SERPINI1: variants seen among roughly 807,000 people sequenced by gnomAD.
SERPINI1 encodes the protein neuroserpin.
A neutral mutation model predicts 41.1 loss-of-function variants in SERPINI1; 19 were observed. The ratio of observed to expected loss-of-function variants is 0.46; its 90% CI spans 0.32 to 0.68. The LOEUF is 0.68. Among genes scored for constraint, SERPINI1 ranks in the 30% least tolerant of loss-of-function variants. SERPINI1 has a pLI of 0.03. For missense variants in SERPINI1, 460 were observed against 479.2 expected, an observed-to-expected ratio of 0.96 and a Z score of 0.37; for synonymous variants, 138 against 156.6, an observed-to-expected ratio of 0.88 and a Z score of 0.89.
chr3:167,754,739 G>A (rs551616114), intron 1 of SERPINI1, among the ~76,000 whole-genome samples: 21 of 152,290 alleles, frequency 1.4e-4, no homozygotes, highest in African/African-American at 4.6e-4. Flanking sequence ...CCACACTATA[G>A]GATTTCCAGA....
chr3:167,764,278 A>T (rs1288311693), intron 1 of SERPINI1, among the ~76,000 whole-genome samples: 1 of 152,104 alleles, frequency 6.6e-6, no homozygotes, highest in Non-Finnish European at 1.5e-5. Context: ...ATCAATTCAT[A>T]CCCAAATTTA....
Position 167,744,806 on chromosome 3 carries a change from TATAA to T in SERPINI1, c.-19+8987_-19+8990del, listed in dbSNP as rs1462060931. On this transcript the variant is annotated intron_variant, in intron 1 of 8. Transcript: ENST00000446050. ...ACTATGGTTATATATATATATAATA[TATAA>T]ATATAGTTATATATATAATATATAT... Among the ~76,000 whole-genome samples, 15 of 126,638 alleles carry T rather than the reference TATAA, an allele frequency of 1.2e-4. No homozygotes were observed. The East Asian group carries it at 1.7e-3, about 15-fold the overall frequency. 83.1% of individuals were successfully genotyped at this position (126,638 alleles called of 152,430 possible). A position where few individuals can be genotyped will look rare whatever the true frequency, so the allele number is the denominator to read the frequency against.
intron 6 of SERPINI1, among the ~76,000 whole-genome samples, chr3:167,815,331 CTTCA>C (rs1031269430): frequency 5.3e-5 from 8 of 151,928 alleles, no homozygotes; most frequent in Admixed American, 3.9e-4. Context: ...GAAAAAAAGG[CTTCA>C]TTTTCTTTTT....
intron 1 of SERPINI1, among the ~76,000 whole-genome samples, chr3:167,783,610 G>A (rs781529591): frequency 1.1e-4 from 17 of 152,166 alleles, no homozygotes; most frequent in Non-Finnish European, 2.1e-4. Flanking sequence ...GACTAGATCT[G>A]TGGAGAATAT....
chr3:167,739,350 C>T (rs1416215675), intron 1 of SERPINI1, among the ~76,000 whole-genome samples: 1 of 152,068 alleles, frequency 6.6e-6, no homozygotes, highest in Admixed American at 6.6e-5. Context: ...AGACAGTTTG[C>T]GCTTTGATAG....
intron 6 of SERPINI1, among the ~76,000 whole-genome samples, chr3:167,819,220 T>A (rs940434462): frequency 6.6e-6 from 1 of 152,210 alleles, no homozygotes; most frequent in Admixed American, 6.5e-5. Context: ...CACTATATTG[T>A]CTAAGCTGGT....
intron 1 of SERPINI1, among the ~76,000 whole-genome samples, chr3:167,783,103 G>A (rs1727193451): frequency 6.6e-6 from 1 of 152,206 alleles, no homozygotes; most frequent in Non-Finnish European, 1.5e-5. Flanking sequence ...TGGAGGCTCA[G>A]CATATGTTGG....
chr3:167,821,729 G>A (rs1374239756), intron 6 of SERPINI1, among the ~76,000 whole-genome samples: 2 of 152,120 alleles, frequency 1.3e-5, no homozygotes, highest in African/African-American at 2.4e-5. Flanking sequence ...CTGATGAAGC[G>A]ACACCCCAAG....
intron 1 of SERPINI1, among the ~76,000 whole-genome samples, chr3:167,784,334 A>C (rs1187813590): frequency 1.3e-5 from 2 of 152,186 alleles, no homozygotes. Flanking sequence ...ACTCTTGCAA[A>C]TAATGTGAGT....
rs115686744 is a variant in SERPINI1, at chr3:167,814,679, G to A, written c.979+7338G>A. ...AGCCTTTGGTGCCCTGCACAATACCGCATATGTAGTGGGTACTGAAGAAAT... is the reference window on the plus strand; with the variant it reads ...AGCCTTTGGTGCCCTGCACAATACCACATATGTAGTGGGTACTGAAGAAAT... On this transcript the variant is annotated intron_variant, in intron 6 of 8. Transcript: ENST00000446050. 6.0e-3 allele frequency among the ~76,000 whole-genome samples: 915 copies of A among 152,266 alleles called. 9 individuals carry two copies. The highest frequency in any genetic ancestry group is 0.021 in the African/African-American group (852 of 41,538).
chr3:167,784,503 G>A (rs1727240470), intron 1 of SERPINI1, among the ~76,000 whole-genome samples: 1 of 152,104 alleles, frequency 6.6e-6, no homozygotes, highest in Non-Finnish European at 1.5e-5. Flanking sequence ...ACCCGAGACT[G>A]GGTAATTTAT....
At chr3:167,741,751 G>A (rs1260797190) in intron 1 of SERPINI1, among the ~76,000 whole-genome samples, 1 of 152,172 alleles carries the variant, frequency 6.6e-6, no homozygotes, top group Admixed American at 6.5e-5. Flanking sequence ...TAAGAAACCT[G>A]TACCTAGTCT....
intron 2 of SERPINI1, 102 bp downstream of exon 2, chr3:167,789,480 A>C (rs1727426222): frequency 7.3e-7 from 1 of 1,375,630 alleles, no homozygotes; most frequent in South Asian, 1.2e-5. Flanking sequence ...CACAGGGTAA[A>C]AAACAATCTC....
Position 167,794,810 on chromosome 3 carries a change from A to C in SERPINI1, c.867A>C (p.Glu289Asp). 6.2e-7 allele frequency: 1 copy of C among 1,613,064 alleles called. No individual in the cohort carries two copies. Among genetic ancestry groups the C allele is most frequent in the African/African-American group, 1.3e-5 (1 of 75,000 alleles). ...ACTCTGTGAAGAAGCAAAAAGTAGA[A>C]GTATACCTGCCCAGGTATGAGGTTC... ...WANSVKKQKV[E>D]VYLPRFTVEQ... The change falls in exon 5 of 9, where the codon GAA (glutamate) becomes GAC (aspartate). Residue 289 changes from glutamate (E) to aspartate (D), a missense_variant. By Grantham distance (45) the Glu-to-Asp change is conservative. Coordinates refer to ENST00000446050, the MANE Select transcript of SERPINI1 (RefSeq NM_001122752.2).
intron 1 of SERPINI1, among the ~76,000 whole-genome samples, chr3:167,760,739 T>A (rs1726351030): frequency 6.6e-6 from 1 of 152,190 alleles, no homozygotes; most frequent in Non-Finnish European, 1.5e-5. Context: ...CTTTCCTTCA[T>A]TGGTTTCAAA....
intron 1 of SERPINI1, among the ~76,000 whole-genome samples, chr3:167,781,329 T>C: frequency 6.6e-6 from 1 of 152,152 alleles, no homozygotes; most frequent in Non-Finnish European, 1.5e-5. Flanking sequence ...AACAAAGTAG[T>C]AATTTTTATG....
intron 5 of SERPINI1, among the ~76,000 whole-genome samples, chr3:167,801,632 C>T (rs1032988521): frequency 1.3e-5 from 2 of 151,624 alleles, no homozygotes; most frequent in East Asian, 1.9e-4. Context: ...TAGGGTTGTT[C>T]GAGAGCATCA....
intron 5 of SERPINI1, among the ~76,000 whole-genome samples, chr3:167,799,531 G>C (rs1362094692): frequency 6.6e-6 from 1 of 152,296 alleles, no homozygotes; most frequent in South Asian, 2.1e-4. Flanking sequence ...ATAGTAGAAT[G>C]ATTTATAATC....
In SERPINI1 at chr3:167,776,560, GCTA is replaced by G. The variant is rs528246092; in HGVS notation, c.-18-12547_-18-12545del. 2.6e-5 allele frequency among the ~76,000 whole-genome samples: 4 copies of G among 152,294 alleles called. No homozygotes were observed. The East Asian group carries it at 7.7e-4, about 29-fold the overall frequency. On this transcript the variant is annotated intron_variant, in intron 1 of 8. Coordinates refer to ENST00000446050, the MANE Select transcript of SERPINI1 (RefSeq NM_001122752.2). ...AGGACACATGTTTTGTGGGATTAAT[GCTA>G]CTAATTTTTCTCTGCTTTTGTTTTA...
Sources: gnomAD v4.1 joint callset for allele counts (sites outside exome capture counted in the v4.1 genomes callset) on GRCh38, gnomAD v4.1.1 for gene constraint, MANE v1.5 for transcripts, NCBI Gene and HGNC (gene_info 2026-07-23, HGNC 2026-07-21) for gene names.